POP1: variants seen among roughly 807,000 people sequenced by gnomAD.
POP1 encodes ribonucleases P/MRP protein subunit POP1.
A neutral mutation model predicts 102.2 loss-of-function variants in POP1; 75 were observed. The ratio of observed to expected loss-of-function variants is 0.73; its 90% CI spans 0.61 to 0.89. The LOEUF is 0.89. Ranked by LOEUF, POP1 falls within the 40% of genes least tolerant of loss-of-function variation. POP1 has a pLI of 0.00. For synonymous variants in POP1, 436 were observed against 464.1 expected (o/e 0.94, Z 0.78); for missense variants, 1,116 against 1,267.4 (o/e 0.88, Z 1.81).
intron 7 of POP1, among the ~76,000 whole-genome samples, chr8:98,136,033 TTTAAG>T (rs1343261879): frequency 6.6e-6 from 1 of 151,756 alleles, no homozygotes; most frequent in East Asian, 1.9e-4. Flanking sequence ...ATAAATTTAA[TTTAAG>T]TTAATTTGTG....
intron 9 of POP1, 147 bp from the exon 10 acceptor site, chr8:98,139,931 T>G: frequency 1.4e-6 from 1 of 706,952 alleles, no homozygotes; most frequent in South Asian, 1.6e-5. Flanking sequence ...CTATGTTAAG[T>G]ATAGTGGCAA....
At position 98,140,200 on chromosome 8, in the gene POP1, G is replaced by A. The variant is rs745637180; in HGVS notation, c.1474+11G>A. ...TCGAGTTGTTGGGAGGTATACAAAGGGAAGACTGGGTTGTGTTGGGGAGGG... is the reference window on the plus strand; with the variant it reads ...TCGAGTTGTTGGGAGGTATACAAAGAGAAGACTGGGTTGTGTTGGGGAGGG... On this transcript the variant is annotated intron_variant, in intron 10 of 15. Transcript: ENST00000401707. 3 of 1,611,564 alleles carry A rather than the reference G, an allele frequency of 1.9e-6. No individual in the cohort carries two copies. The South Asian group carries it at 3.3e-5, about 18-fold the overall frequency.
chr8:98,134,017 A>T lies in POP1; in HGVS notation c.804A>T (p.Gly268=). The change falls in exon 6 of 16, where the codon GGA becomes GGT. Residue 268 remains glycine, a synonymous_variant. Transcript: ENST00000401707. ...KEEEILKALS[G]MCNIDTGLTF... ...AAGAAATACTAAAGGCGCTTTCTGGAATGTGTAACATAGACACAGGTAAAC... is the reference window on the plus strand; with the variant it reads ...AAGAAATACTAAAGGCGCTTTCTGGTATGTGTAACATAGACACAGGTAAAC... The T allele has an allele frequency of 6.2e-7, 1 of 1,610,656 alleles. No homozygotes were observed. The highest frequency in any genetic ancestry group is 8.5e-7 in the Non-Finnish European group (1 of 1,176,856).
intron 9 of POP1, 138 bp downstream of exon 9, chr8:98,137,092 C>A: frequency 1.3e-6 from 1 of 756,382 alleles, no homozygotes; most frequent in Non-Finnish European, 2.2e-6. Flanking sequence ...TGCTTATTAT[C>A]AAAGATTTTG....
chr8:98,136,429 G>A lies in POP1; in HGVS notation c.1012-53G>A, dbSNP rs75347577. 63,357 of 1,519,438 alleles carry A rather than the reference G, an allele frequency of 0.042. 2,062 individuals are homozygous for A. Among genetic ancestry groups the A allele is most frequent in the African/African-American group, 0.15 (10,391 of 70,038 alleles). 94.1% of individuals were successfully genotyped at this position (1,519,438 alleles called of 1,614,324 possible). A position where few individuals can be genotyped will look rare whatever the true frequency, so the allele number is the denominator to read the frequency against. ...AAAAAAAAACCCAACTAAATTTGTCGTAATATATTTAAATTTCAAGATTTT... is the reference window on the plus strand; with the variant it reads ...AAAAAAAAACCCAACTAAATTTGTCATAATATATTTAAATTTCAAGATTTT... On this transcript the variant is annotated intron_variant, in intron 7 of 15. Transcript: ENST00000401707.
Position 98,150,529 on chromosome 8 carries a change from G to A in POP1, c.1947G>A (p.Val649=). Residue 649 remains valine, a synonymous_variant, in exon 14 of 16, where the codon GTG becomes GTA. Coordinates refer to ENST00000401707, the MANE Select transcript of POP1 (RefSeq NM_001145860.2). ...VRVGGLKESA[V]HSQYKRSPNV... is the part of the protein sequence containing the mutation. ...TCGGAGGGTTGAAAGAGTCTGCAGT[G>A]CATTCTCAGTATAAGAGGTCGCCTA... The A allele has an allele frequency of 6.2e-7, 1 of 1,614,036 alleles. No individual in the cohort carries two copies.
Position 98,129,829 on chromosome 8 carries a change from T to C in POP1, c.487-149T>C, listed in dbSNP as rs73701260. The C allele has an allele frequency of 4.3e-3, 3,831 of 899,936 alleles. 70 individuals carry two copies. In the African/African-American group the frequency reaches 0.05, roughly 12 times the overall value. The allele number at this position is 899,936 out of a possible 1,614,324, so 55.7% of individuals were successfully genotyped here. On this transcript the variant is annotated intron_variant, in intron 4 of 15. Transcript: ENST00000401707. ...CCATTGTCTTCCTTCTCTACTTACA[T>C]TGAAGAAACTAAGTTAACAATTTAA...
chr8:98,133,564 G>A (rs184529816), intron 5 of POP1, among the ~76,000 whole-genome samples: 89 of 152,234 alleles, frequency 5.8e-4, no homozygotes, highest in Non-Finnish European at 9.7e-4. Context: ...CTTACCTTAG[G>A]TAGACTTTGG....
chr8:98,135,586 C>G (rs1200741122), intron 7 of POP1, among the ~76,000 whole-genome samples: 1 of 152,114 alleles, frequency 6.6e-6, no homozygotes, highest in Non-Finnish European at 1.5e-5. Flanking sequence ...CCCCTAGCCC[C>G]AGCCCTAATT....
Position 98,124,315 on chromosome 8 carries a change from A to G in POP1, c.142+836A>G, listed in dbSNP as rs186883641. On this transcript the variant is annotated intron_variant, in intron 2 of 15. Transcript: ENST00000401707. ...GGTGGCTCACACCTGTAATCCCAGCACTTTCAGAGGCTGAGGCGGGCGGAT... is the reference window on the plus strand; with the variant it reads ...GGTGGCTCACACCTGTAATCCCAGCGCTTTCAGAGGCTGAGGCGGGCGGAT... Among the ~76,000 whole-genome samples, 497 of 152,292 alleles carry G rather than the reference A, an allele frequency of 3.3e-3. 2 individuals are homozygous for G. The highest frequency in any genetic ancestry group is 0.011 in the African/African-American group (467 of 41,566).
intron 2 of POP1, among the ~76,000 whole-genome samples, chr8:98,126,451 C>T (rs1471495856): frequency 6.6e-6 from 1 of 152,122 alleles, no homozygotes; most frequent in Admixed American, 6.5e-5. Context: ...ATTCAGCATT[C>T]CCATGGGAAA....
rs199797093 is a variant in POP1 at position 98,128,807 on chromosome 8, C to T, written c.486+267C>T. Among the ~76,000 whole-genome samples, 3 of 151,912 alleles carry T rather than the reference C, an allele frequency of 2.0e-5. No individual in the cohort carries two copies. The East Asian group carries it at 5.8e-4, about 29-fold the overall frequency. On this transcript the variant is annotated intron_variant, in intron 4 of 15. Transcript: ENST00000401707. ...TGATGGTACATGTGTGCCTGTAGTC[C>T]CAGCTACTTGGAAACTGAGATGGGA...
intron 5 of POP1, among the ~76,000 whole-genome samples, chr8:98,132,906 C>CAAAA (rs11308385): frequency 7.3e-4 from 9 of 12,274 alleles, no homozygotes; most frequent in African/African-American, 3.7e-3. Context: ...TCTGTCTCTG[C>CAAAA]AAAAAAAAAA....
chr8:98,127,910 G>A, intron 3 of POP1, 148 bp downstream of exon 3: 1 of 811,334 alleles, frequency 1.2e-6, no homozygotes. Context: ...CCTCTAGCCT[G>A]GACTTTGGCC....
chr8:98,139,610 C>G (rs1221351025), intron 9 of POP1, among the ~76,000 whole-genome samples: 1 of 152,090 alleles, frequency 6.6e-6, no homozygotes, highest in African/African-American at 2.4e-5. Flanking sequence ...GACTGTGGTT[C>G]CATCTCCCAG....
At chr8:98,124,921 C>T (rs1399529172) in intron 2 of POP1, among the ~76,000 whole-genome samples, 3 of 152,254 alleles carry the variant, frequency 2.0e-5, no homozygotes, top group African/African-American at 4.8e-5. Context: ...AGCAAGTGTC[C>T]AAGGACTTGT....
chr8:98,128,316 A>T lies in POP1; in HGVS notation c.311-49A>T, dbSNP rs2447508. 8 of 1,579,374 alleles carry T rather than the reference A, an allele frequency of 5.1e-6. No individual in the cohort carries two copies. In the African/African-American group the frequency reaches 8.1e-5, roughly 16 times the overall value. On this transcript the variant is annotated intron_variant, in intron 3 of 15. Coordinates refer to ENST00000401707, the MANE Select transcript of POP1 (RefSeq NM_001145860.2). The stretch of plus-strand genomic sequence containing the variant: ...TCCCCAGCAGCCTGTTTATTCTCCA[A>T]TGTTAATTCAAGATTGGTGTTTAAT...
intron 11 of POP1, among the ~76,000 whole-genome samples, chr8:98,143,282 C>T (rs375140481): frequency 1.1e-4 from 17 of 152,272 alleles, no homozygotes; most frequent in African/African-American, 4.1e-4. Context: ...TTTTCTCTTC[C>T]CAGTAAAGAC....
At chr8:98,123,789 A>AG (rs1816109764) in intron 2 of POP1, among the ~76,000 whole-genome samples, 1 of 151,856 alleles carries the variant, frequency 6.6e-6, no homozygotes, top group African/African-American at 2.4e-5. Context: ...AAAAAAAAAA[A>AG]AGATACACAT....
Sources: allele counts gnomAD v4.1 joint callset (sites outside exome capture counted in the v4.1 genomes callset), GRCh38; gene constraint gnomAD v4.1.1; transcripts MANE v1.5; gene names NCBI Gene and HGNC (gene_info 2026-07-23, HGNC 2026-07-21).